The following CPED1 variants were observed in gnomAD, a reference collection of about 807,000 sequenced individuals.
CPED1 encodes cadherin-like and PC-esterase domain-containing protein 1.
Under a neutral mutation model 128.2 loss-of-function variants are expected in CPED1, and 114 were observed. That is an observed-to-expected ratio of 0.89 (90% CI 0.76 to 1.04). The LOEUF is 1.04. CPED1 is among the 50% of genes least tolerant of loss of function. CPED1 has a pLI of 0.00. For missense variants in CPED1, 1,211 were observed against 1,207.1 expected (o/e 1.00, Z -0.05); for synonymous variants, 462 against 426.7 (o/e 1.08, Z -1.02).
intron 2 of CPED1, among the ~76,000 whole-genome samples, chr7:121,005,598 T>C (rs1791991694): frequency 6.6e-6 from 1 of 152,114 alleles, no homozygotes; most frequent in South Asian, 2.1e-4. Context: ...TGTATACCTA[T>C]GTAACAAACC....
At chr7:121,249,171 A>AGAT (rs1798609719) in intron 18 of CPED1, among the ~76,000 whole-genome samples, 1 of 152,188 alleles carries the variant, frequency 6.6e-6, no homozygotes, top group African/African-American at 2.4e-5. Context: ...AAGAAATATG[A>AGAT]GATTATATAA....
At chr7:120,999,516 A>G (rs965618986) in intron 2 of CPED1, among the ~76,000 whole-genome samples, 8 of 152,068 alleles carry the variant, frequency 5.3e-5, no homozygotes, top group Non-Finnish European at 7.4e-5. Flanking sequence ...AGGAATTTCC[A>G]TTTTTAACAG....
chr7:121,091,041 A>T (rs1794561005), intron 5 of CPED1, among the ~76,000 whole-genome samples: 3 of 151,964 alleles, frequency 2.0e-5, no homozygotes, highest in Admixed American at 6.6e-5. Context: ...GGTCTGAAAT[A>T]GTTCCTGGAG....
intron 2 of CPED1, among the ~76,000 whole-genome samples, chr7:120,997,971 AT>A (rs1796438872): frequency 2.7e-5 from 4 of 150,424 alleles, no homozygotes; most frequent in South Asian, 2.1e-4. Context: ...ATAAAATAAA[AT>A]AAAATAAAAA....
chr7:120,989,927 T>G (rs758385233), intron 2 of CPED1, 57 bp downstream of exon 2: 4 of 1,592,610 alleles, frequency 2.5e-6, no homozygotes, highest in Non-Finnish European at 3.4e-6. Flanking sequence ...AATCTGCTTC[T>G]CTGTCCTTTC....
intron 7 of CPED1, among the ~76,000 whole-genome samples, chr7:121,118,522 T>C (rs1010838712): frequency 1.3e-4 from 19 of 146,152 alleles, no homozygotes; most frequent in Admixed American, 4.2e-4. Context: ...ATCACACCAC[T>C]GTACTCCAGC....
chr7:121,008,523 ATTAC>A (rs910332652), intron 2 of CPED1, among the ~76,000 whole-genome samples: 1 of 152,184 alleles, frequency 6.6e-6, no homozygotes, highest in Non-Finnish European at 1.5e-5. Flanking sequence ...ATTTAATTTA[ATTAC>A]TTATTTTCTT....
At chr7:121,194,020 C>CTATATATA (rs1412904591) in intron 16 of CPED1, among the ~76,000 whole-genome samples, 4 of 79,066 alleles carry the variant, frequency 5.1e-5, no homozygotes, top group Admixed American at 1.6e-4. Flanking sequence ...CTCTCTCTCT[C>CTATATATA]TCTATATATA....
At chr7:120,995,810 C>T (rs571649938) in intron 2 of CPED1, among the ~76,000 whole-genome samples, 21 of 152,222 alleles carry the variant, frequency 1.4e-4, no homozygotes, top group East Asian at 3.9e-4. Flanking sequence ...TGCCACTGAG[C>T]GACATGGCGA....
intron 22 of CPED1, among the ~76,000 whole-genome samples, chr7:121,287,406 G>A (rs1792607389): frequency 6.6e-6 from 1 of 152,082 alleles, no homozygotes; most frequent in Non-Finnish European, 1.5e-5. Context: ...CTAAGAGACT[G>A]TTTACCATGG....
chr7:121,288,112 G>A (rs1792622323), intron 22 of CPED1, among the ~76,000 whole-genome samples: 2 of 152,108 alleles, frequency 1.3e-5, no homozygotes, highest in Non-Finnish European at 2.9e-5. Flanking sequence ...GTATGGGCTA[G>A]TGAAACAGCA....
rs552407954 is a variant in CPED1, at chr7:121,073,892, C to A, written c.616+9579C>A. On this transcript the variant is annotated intron_variant, in intron 5 of 22. Transcript: ENST00000310396. ...CTCTCATTAATCATGTAAAGCCATG[C>A]ACAACATTGGGACACAGTTTTCTCC... is the stretch of plus-strand genomic sequence containing the variant. Among the ~76,000 whole-genome samples, 166 of 150,612 alleles carry A rather than the reference C, an allele frequency of 1.1e-3. 2 individuals carry two copies. The highest frequency in any genetic ancestry group is 3.9e-3 in the African/African-American group (160 of 40,944).
At chr7:121,005,517 G>C (rs1006374646) in intron 2 of CPED1, among the ~76,000 whole-genome samples, 1 of 151,810 alleles carries the variant, frequency 6.6e-6, no homozygotes, top group Non-Finnish European at 1.5e-5. Context: ...GTGGGGGGCT[G>C]GGGAGGGATA....
chr7:121,014,563 A>AC (rs1792252158), intron 2 of CPED1, among the ~76,000 whole-genome samples: 1 of 111,912 alleles, frequency 8.9e-6, no homozygotes, highest in Non-Finnish European at 2.0e-5. Flanking sequence ...AAAAAAAAAT[A>AC]ATAATAATAA....
At chr7:121,252,156 G>C (rs868197494) in intron 18 of CPED1, among the ~76,000 whole-genome samples, 2 of 150,454 alleles carry the variant, frequency 1.3e-5, no homozygotes, top group African/African-American at 4.9e-5. Flanking sequence ...CAGAAATAAC[G>C]CCGCATATCT....
chr7:121,122,046 A>G (rs1294315235), intron 7 of CPED1, among the ~76,000 whole-genome samples: 1 of 152,154 alleles, frequency 6.6e-6, no homozygotes, highest in Non-Finnish European at 1.5e-5. Context: ...ATTCATATGA[A>G]GCACTCGCGT....
chr7:121,124,215 G>T, intron 7 of CPED1, 116 bp from the exon 8 acceptor site: 1 of 815,036 alleles, frequency 1.2e-6, no homozygotes, highest in Non-Finnish European at 1.8e-6. Context: ...TGAGGGTGGG[G>T]TTTGGGTGTG....
intron 16 of CPED1, among the ~76,000 whole-genome samples, chr7:121,148,314 C>T (rs1472772096): frequency 2.6e-5 from 4 of 152,086 alleles, no homozygotes; most frequent in Admixed American, 6.6e-5. Context: ...AAGCAGCAGC[C>T]GAGGTAATAG....
At position 121,046,978 on chromosome 7, in the gene CPED1, AG is replaced by A; in HGVS notation, c.527del (p.Gly176ValfsTer25). The A allele has an allele frequency of 6.2e-7, 1 of 1,609,784 alleles. No homozygotes were observed. The highest frequency in any genetic ancestry group is 8.5e-7 in the Non-Finnish European group (1 of 1,176,458). On this transcript the variant is annotated frameshift_variant, in exon 4 of 23. Coordinates refer to ENST00000310396, the MANE Select transcript of CPED1 (RefSeq NM_024913.5). LOFTEE classifies it high-confidence loss of function. ...CISKEVMCQL[G>X]LHQKANRLPE... ...TATCCAAGGAAGTCATGTGCCAGTT[AG>A]GTTTACATCAAAAGGTAAATACTCT...
Sources: gnomAD v4.1 joint callset for allele counts (sites outside exome capture counted in the v4.1 genomes callset) on GRCh38, gnomAD v4.1.1 for gene constraint, MANE v1.5 for transcripts, NCBI Gene and HGNC (gene_info 2026-07-23, HGNC 2026-07-21) for gene names.